TMED1: variants seen among roughly 807,000 people sequenced by gnomAD.
TMED1 encodes the protein transmembrane emp24 domain-containing protein 1.
TMED1 carries 20 observed loss-of-function variants against 21.2 expected under a neutral mutation model. The ratio of observed to expected loss-of-function variants is 0.95; its 90% CI spans 0.67 to 1.37. TMED1 has a LOEUF of 1.37. Ranked by LOEUF, TMED1 falls within the 40% of genes most tolerant of loss-of-function variation. The probability of loss-of-function intolerance (pLI) is 0.00; values close to 1 mark genes in which losing one functional copy is unlikely to be tolerated. For synonymous variants in TMED1, 149 were observed against 134.7 expected, an observed-to-expected ratio of 1.11 and a Z score of -0.74; for missense variants, 316 against 309.8, an observed-to-expected ratio of 1.02 and a Z score of -0.15.
At position 10,834,990 on chromosome 19, in the gene TMED1, A is replaced by G. The variant is rs2073408914; in HGVS notation, c.409T>C (p.Trp137Arg). The change falls in exon 3 of 4, where the codon TGG becomes CGG. Residue 137 changes from tryptophan to arginine, a missense_variant. By Grantham distance (101) the Trp-to-Arg change is moderately radical. Coordinates refer to ENST00000214869, the MANE Select transcript of TMED1 (RefSeq NM_006858.4). ...TCCTCGGGCTCCACAGCCTCTGCCC[A>G]TCCTTCGACCTCCTCGTCATCCTGG... ...SLQDDEEVEG[W>R]AEAVEPEEML... is the part of the protein sequence containing the mutation. 6.2e-7 allele frequency: 1 copy of G among 1,614,078 alleles called. No homozygotes were observed. The highest frequency in any genetic ancestry group is 8.5e-7 in the Non-Finnish European group (1 of 1,180,034).
rs768880116 is a variant in TMED1 at position 10,832,249 on chromosome 19, G to A, written c.*746C>T. 337 of 1,283,506 alleles carry A rather than the reference G, an allele frequency of 2.6e-4. 1 individual carries two copies. Among genetic ancestry groups the A allele is most frequent in the Admixed American group, 9.9e-4 (43 of 43,518 alleles). 79.5% of individuals were successfully genotyped at this position (1,283,506 alleles called of 1,614,324 possible). On this transcript the variant is annotated 3_prime_UTR_variant, in exon 4 of 4. Transcript: ENST00000214869. ...CACCTCGTGGGGAAGCCCAAGCCTC[G>A]TGGCCCAACTGGGGCTCAGTTAAAC...
intron 1 of TMED1, 103 bp downstream of exon 1, chr19:10,835,906 G>T: frequency 4.1e-6 from 6 of 1,448,338 alleles, no homozygotes; most frequent in Non-Finnish European, 5.5e-6. Flanking sequence ...GCGCTCCCAA[G>T]CACGGATTCC....
chr19:10,832,125 A>AC lies in TMED1; in HGVS notation c.*869dup, dbSNP rs1413177380. ...GAGGAGTGGGAGCAGATATTCTCTG[A>AC]CCCCCTGCACACCCCCACGTGCACA... On this transcript the variant is annotated 3_prime_UTR_variant, in exon 4 of 4. Coordinates refer to ENST00000214869, the MANE Select transcript of TMED1 (RefSeq NM_006858.4). 6.6e-6 allele frequency among the ~76,000 whole-genome samples: 1 copy of AC among 151,504 alleles called. No individual in the cohort carries two copies. Among genetic ancestry groups the AC allele is most frequent in the African/African-American group, 2.4e-5 (1 of 41,136 alleles).
Position 10,832,437 on chromosome 19 carries a change from G to A in TMED1, c.*558C>T, listed in dbSNP as rs954933160. On this transcript the variant is annotated 3_prime_UTR_variant, in exon 4 of 4. Transcript: ENST00000214869. ...CCTGAGCCCCAATCAGCAGGCTCTT[G>A]TGATTTTCTGACCATAATTTATTGA... is the stretch of plus-strand genomic sequence containing the variant. The A allele has an allele frequency of 9.2e-7, 1 of 1,085,260 alleles. No individual in the cohort carries two copies. The highest frequency in any genetic ancestry group is 1.2e-6 in the Non-Finnish European group (1 of 808,438). The allele number at this position is 1,085,260 out of a possible 1,614,324, so 67.2% of individuals were successfully genotyped here. A position where few individuals can be genotyped will look rare whatever the true frequency, so the allele number is the denominator to read the frequency against.
At chr19:10,835,568 C>G in intron 1 of TMED1, 1 of 1,432,504 alleles carries the variant, frequency 7.0e-7, no homozygotes, top group Non-Finnish European at 9.1e-7. Context: ...TTCAGCTGAC[C>G]ACGCACCTAC....
At chr19:10,834,355 G>A (rs962145524) in intron 3 of TMED1, among the ~76,000 whole-genome samples, 22 of 151,838 alleles carry the variant, frequency 1.4e-4, no homozygotes, top group African/African-American at 5.3e-4. Context: ...TGAGCACAGG[G>A]TCTGCTTCAC....
At chr19:10,835,890 GC>G in intron 1 of TMED1, 118 bp downstream of exon 1, 1 of 1,403,092 alleles carries the variant, frequency 7.1e-7, no homozygotes, top group South Asian at 1.5e-5. Context: ...TTCTAGCTCC[GC>G]CCCCGCGCTC....
intron 1 of TMED1, 200 bp from the exon 2 acceptor site, chr19:10,835,553 A>G: frequency 1.4e-6 from 2 of 1,442,514 alleles, no homozygotes; most frequent in African/African-American, 1.4e-5. Context: ...CTTGGGGTCC[A>G]TACTTTCAGC....
chr19:10,835,978 T>A (rs780383501), intron 1 of TMED1, 31 bp downstream of exon 1: 14 of 1,546,620 alleles, frequency 9.1e-6, no homozygotes, highest in Non-Finnish European at 1.2e-5. Context: ...TCTCCCTGAC[T>A]CTGCTGGCCG....
chr19:10,836,103 T>TGGATTGGCGGGGGCCCCGCCCCTCCC lies in TMED1; in HGVS notation c.63_88dup (p.Gln30ArgfsTer42). The TGGATTGGCGGGGGCCCCGCCCCTCCC allele has an allele frequency of 6.3e-7, 1 of 1,587,870 alleles. No homozygotes were observed. On this transcript the variant is annotated frameshift_variant, in exon 1 of 4. Transcript: ENST00000214869. LOFTEE classifies it high-confidence loss of function. ...CAACAGGAACGTGAACTCACCGTCC[T>TGGATTGGCGGGGGCCCCGCCCCTCCC]GGATTGGCGGGGGCCCCGCCCCTCC... is the stretch of plus-strand genomic sequence containing the variant.
rs2073362990 is a variant in TMED1, at chr19:10,832,149, C to T, written c.*846G>A. On this transcript the variant is annotated 3_prime_UTR_variant, in exon 4 of 4. Transcript: ENST00000214869. ...GACCCCCTGCACACCCCCACGTGCA[C>T]AGGCCTGGCTGCTGCCTGGTGAAGC... Among the ~76,000 whole-genome samples the T allele has an allele frequency of 6.6e-6, 1 of 152,196 alleles. No individual in the cohort carries two copies. The highest frequency in any genetic ancestry group is 6.5e-5 in the Admixed American group (1 of 15,278).
Position 10,832,646 on chromosome 19 carries a change from T to C in TMED1, c.*349A>G. 1.8e-6 allele frequency: 1 copy of C among 560,088 alleles called. No homozygotes were observed. The highest frequency in any genetic ancestry group is 1.9e-5 in the African/African-American group (1 of 53,230). The allele number at this position is 560,088 out of a possible 1,614,324, so 34.7% of individuals were successfully genotyped here. On this transcript the variant is annotated 3_prime_UTR_variant, in exon 4 of 4. Coordinates refer to ENST00000214869, the MANE Select transcript of TMED1 (RefSeq NM_006858.4). ...CTGGCTTGGAGGGCCCAGGTTTCCT[T>C]GTTAGGCCCTGCCCCGCACCAGGCA... is the stretch of plus-strand genomic sequence containing the variant.
intron 3 of TMED1, 128 bp downstream of exon 3, chr19:10,834,806 C>T (rs779663720): frequency 3.6e-6 from 4 of 1,112,908 alleles, no homozygotes; most frequent in Non-Finnish European, 5.2e-6. Flanking sequence ...ATTTTAAGAG[C>T]TGCTACTCTT....
chr19:10,835,663 G>C, intron 1 of TMED1: 3 of 1,397,916 alleles, frequency 2.1e-6, no homozygotes, highest in Non-Finnish European at 2.8e-6. Context: ...TTTTTCCTTA[G>C]TCTAACCCCC....
At position 10,832,327 on chromosome 19, in the gene TMED1, C is replaced by T; in HGVS notation, c.*668G>A. 1.6e-6 allele frequency: 2 copies of T among 1,289,866 alleles called. No individual in the cohort carries two copies. The highest frequency in any genetic ancestry group is 2.0e-6 in the Non-Finnish European group (2 of 988,900). The allele number at this position is 1,289,866 out of a possible 1,614,324, so 79.9% of individuals were successfully genotyped here. A position where few individuals can be genotyped will look rare whatever the true frequency, so the allele number is the denominator to read the frequency against. On this transcript the variant is annotated 3_prime_UTR_variant, in exon 4 of 4. Transcript: ENST00000214869. ...AGGCGACCACCTCCATCGGCTCCCG[C>T]ACGACCTTTCTTCTGAGCTTCGTGG... is the stretch of plus-strand genomic sequence containing the variant.
rs1707132276 is a variant in TMED1 at position 10,832,559 on chromosome 19, G to A, written c.*436C>T. 2 of 462,768 alleles carry A rather than the reference G, an allele frequency of 4.3e-6. No homozygotes were observed. The highest frequency in any genetic ancestry group is 7.1e-5 in the Admixed American group (2 of 28,342). 28.7% of individuals were successfully genotyped at this position (462,768 alleles called of 1,614,324 possible). A position where few individuals can be genotyped will look rare whatever the true frequency, so the allele number is the denominator to read the frequency against. On this transcript the variant is annotated 3_prime_UTR_variant, in exon 4 of 4. Transcript: ENST00000214869. ...ATGCCTGTGTGGGGCCCCTGCAGGA[G>A]AGGGGCCGGGGCAGGTGGTCTTCCA...
At chr19:10,835,527 C>T in intron 1 of TMED1, 174 bp from the exon 2 acceptor site, 2 of 1,457,922 alleles carry the variant, frequency 1.4e-6, no homozygotes, top group Non-Finnish European at 1.8e-6. Context: ...TGCCTCCACC[C>T]TCATTGATAT....
At chr19:10,835,181 A>G in intron 2 of TMED1, 64 bp from the exon 3 acceptor site, 3 of 1,611,510 alleles carry the variant, frequency 1.9e-6, no homozygotes, top group Non-Finnish European at 2.5e-6. Flanking sequence ...CGGGGCAGTC[A>G]GGGCGGTAAC....
chr19:10,836,012 G>C lies in TMED1; in HGVS notation c.180C>G (p.Tyr60Ter), dbSNP rs1257964551. 5 of 1,591,484 alleles carry C rather than the reference G, an allele frequency of 3.1e-6. No individual in the cohort carries two copies. Among genetic ancestry groups the C allele is most frequent in the Non-Finnish European group, 4.3e-6 (5 of 1,169,936 alleles). The change falls in exon 1 of 4, where the codon TAC becomes TAG. Residue 60 changes from tyrosine (Y) to a stop codon, truncating the protein, a stop_gained. Transcript: ENST00000214869. LOFTEE classifies it high-confidence loss of function. Reference sequence around the variant, plus strand: ...CGCCCAGCCCGCGACCCTCTACCTGGTATTCGGTCTCGAGGCTTGCGTTGG... The same window carrying C: ...CGCCCAGCCCGCGACCCTCTACCTGCTATTCGGTCTCGAGGCTTGCGTTGG... ...APANASLETE[Y>*]QVIGGAGLDV... is the part of the protein sequence containing the mutation.
Sources: allele counts gnomAD v4.1 joint callset (sites outside exome capture counted in the v4.1 genomes callset), GRCh38; gene constraint gnomAD v4.1.1; transcripts MANE v1.5; gene names NCBI Gene and HGNC (gene_info 2026-07-23, HGNC 2026-07-21).